COX5A: variants seen among roughly 807,000 people sequenced by gnomAD.
The protein encoded by COX5A is cytochrome c oxidase subunit 5A, mitochondrial.
A neutral mutation model predicts 16.1 loss-of-function variants in COX5A; 6 were observed. The ratio of observed to expected loss-of-function variants is 0.37; its 90% CI spans 0.20 to 0.73. COX5A has a LOEUF of 0.73. Among genes scored for constraint, COX5A ranks in the 30% least tolerant of loss-of-function variants. The probability of loss-of-function intolerance (pLI) is 0.50; values close to 1 mark genes in which losing one functional copy is unlikely to be tolerated. For missense variants in COX5A, 159 were observed against 194.9 expected (o/e 0.82, Z 1.10); for synonymous variants, 73 against 73.8 (o/e 0.99, Z 0.06).
intron 1 of COX5A, 61 bp from the exon 2 acceptor site, chr15:74,929,293 A>T (rs2065356432): frequency 1.7e-6 from 2 of 1,188,900 alleles, no homozygotes; most frequent in African/African-American, 3.0e-5. Flanking sequence ...TATTTTGTTC[A>T]ATGCATTAAA....
Position 74,920,340 on chromosome 15 carries a change from T to C in COX5A, c.*112A>G, listed in dbSNP as rs757088453. On this transcript the variant is annotated 3_prime_UTR_variant, in exon 5 of 5. Transcript: ENST00000322347. ...TACCATTACATGGCTTGGTACTCAA[T>C]AAAGGAAAACTTGTTCAAATAAGGT... The C allele has an allele frequency of 5.8e-6, 4 of 685,566 alleles. No individual in the cohort carries two copies. In the South Asian group the frequency reaches 6.5e-5, roughly 11 times the overall value. 42.5% of individuals were successfully genotyped at this position (685,566 alleles called of 1,614,324 possible). A position where few individuals can be genotyped will look rare whatever the true frequency, so the allele number is the denominator to read the frequency against.
intron 1 of COX5A, among the ~76,000 whole-genome samples, chr15:74,933,419 A>AATATC (rs1555407172): frequency 1.4e-5 from 2 of 143,392 alleles, no homozygotes; most frequent in African/African-American, 2.5e-5. Flanking sequence ...AAAAAAAAAA[A>AATATC]TATCTATCTA....
intron 4 of COX5A, among the ~76,000 whole-genome samples, chr15:74,923,397 G>A (rs1410609436): frequency 2.7e-5 from 4 of 148,756 alleles, no homozygotes; most frequent in African/African-American, 7.4e-5. Context: ...CTGGGCAACA[G>A]AATAAGACTC....
intron 4 of COX5A, among the ~76,000 whole-genome samples, chr15:74,921,629 C>T (rs1045714143): frequency 2.0e-5 from 3 of 151,966 alleles, no homozygotes; most frequent in African/African-American, 4.8e-5. Flanking sequence ...ACTAGGGAGG[C>T]TGAGGCATGA....
At chr15:74,920,993 A>G (rs1469203491) in intron 4 of COX5A, among the ~76,000 whole-genome samples, 2 of 152,158 alleles carry the variant, frequency 1.3e-5, no homozygotes, top group Non-Finnish European at 2.9e-5. Flanking sequence ...AAAAAAAGAA[A>G]AAAAGAAAAA....
intron 3 of COX5A, among the ~76,000 whole-genome samples, chr15:74,924,172 T>C (rs2065333409): frequency 6.6e-6 from 1 of 150,488 alleles, no homozygotes. Context: ...CAGAACAAGA[T>C]TCTATCTCAA....
Position 74,937,881 on chromosome 15 carries a change from C to T in COX5A, c.100+34G>A, listed in dbSNP as rs2065399130. 4.2e-6 allele frequency: 5 copies of T among 1,197,548 alleles called. No individual in the cohort carries two copies. The South Asian group carries it at 1.3e-4, about 30-fold the overall frequency. The allele number at this position is 1,197,548 out of a possible 1,614,324, so 74.2% of individuals were successfully genotyped here. A position where few individuals can be genotyped will look rare whatever the true frequency, so the allele number is the denominator to read the frequency against. On this transcript the variant is annotated intron_variant, in intron 1 of 4. Transcript: ENST00000322347. Reference sequence around the variant, plus strand: ...GGGGACCCAGGTCACCGCAAGGACACGAGGGCGCGGGCAGTGGCAAGCAGG... The same window carrying T: ...GGGGACCCAGGTCACCGCAAGGACATGAGGGCGCGGGCAGTGGCAAGCAGG...
chr15:74,928,400 T>G (rs79105033), intron 2 of COX5A, among the ~76,000 whole-genome samples: 4 of 152,050 alleles, frequency 2.6e-5, no homozygotes, highest in African/African-American at 9.7e-5. Flanking sequence ...TTTTTTTTTT[T>G]CTGAGACAGA....
intron 1 of COX5A, among the ~76,000 whole-genome samples, chr15:74,930,786 G>A (rs12904326): frequency 0.35 from 52,393 of 148,988 alleles, 11,980 homozygotes; most frequent in Non-Finnish European, 0.52. Flanking sequence ...GGGAGGCCGA[G>A]ATGGGCAGAT....
chr15:74,930,062 G>C (rs1411125657), intron 1 of COX5A, among the ~76,000 whole-genome samples: 2 of 150,684 alleles, frequency 1.3e-5, no homozygotes, highest in Non-Finnish European at 2.9e-5. Flanking sequence ...CTGGGCGACA[G>C]AGCAAGACTC....
chr15:74,934,846 G>A (rs1025067400), intron 1 of COX5A, among the ~76,000 whole-genome samples: 3 of 151,988 alleles, frequency 2.0e-5, no homozygotes, highest in African/African-American at 7.3e-5. Flanking sequence ...GAGCTTTTAC[G>A]TAACCTGAAA....
Position 74,920,005 on chromosome 15 carries a change from G to T in COX5A, c.*447C>A. The T allele has an allele frequency of 1.3e-5, 3 of 231,876 alleles. No individual in the cohort carries two copies. The highest frequency in any genetic ancestry group is 1.5e-3 in the Middle Eastern group (1 of 686). The allele number at this position is 231,876 out of a possible 1,614,324, so 14.4% of individuals were successfully genotyped here. The stretch of plus-strand genomic sequence containing the variant: ...TTAAACATCATTAAAACCTGTTTTG[G>T]AAAGGTACACAATTTGATCTATCCC... On this transcript the variant is annotated 3_prime_UTR_variant, in exon 5 of 5. Coordinates refer to ENST00000322347, the MANE Select transcript of COX5A (RefSeq NM_004255.4).
intron 4 of COX5A, among the ~76,000 whole-genome samples, chr15:74,922,600 C>T (rs2065326108): frequency 6.6e-6 from 1 of 152,014 alleles, no homozygotes; most frequent in African/African-American, 2.4e-5. Context: ...AGCAATCCTT[C>T]CACCTTAGCC....
At chr15:74,921,281 GCCTGTAGT>G (rs2065318659) in intron 4 of COX5A, among the ~76,000 whole-genome samples, 1 of 151,094 alleles carries the variant, frequency 6.6e-6, no homozygotes, top group African/African-American at 2.4e-5. Flanking sequence ...GGTGGCGGGT[GCCTGTAGT>G]CCCAGCTACT....
At chr15:74,927,028 C>T (rs888188377) in intron 2 of COX5A, 141 bp from the exon 3 acceptor site, 2 of 797,190 alleles carry the variant, frequency 2.5e-6, no homozygotes, top group South Asian at 2.1e-5. Flanking sequence ...TGAGAGAAAC[C>T]TACCTTTAAC....
At chr15:74,925,012 T>C (rs1720655410) in intron 3 of COX5A, among the ~76,000 whole-genome samples, 1 of 152,072 alleles carries the variant, frequency 6.6e-6, no homozygotes. Context: ...TAGGAACGAA[T>C]AAGAAGTCAA....
At chr15:74,927,626 G>A (rs1394241629) in intron 2 of COX5A, among the ~76,000 whole-genome samples, 2 of 152,018 alleles carry the variant, frequency 1.3e-5, no homozygotes, top group East Asian at 3.9e-4. Context: ...TACAAAATTG[G>A]CCGGGCGTGG....
chr15:74,920,690 T>C (rs1270696638), intron 4 of COX5A, among the ~76,000 whole-genome samples: 2 of 152,166 alleles, frequency 1.3e-5, no homozygotes, highest in African/African-American at 4.8e-5. Context: ...AAAGAAATTT[T>C]TTTTGGGCCG....
At position 74,926,281 on chromosome 15, in the gene COX5A, C is replaced by T. The variant is rs183164659; in HGVS notation, c.339+485G>A. On this transcript the variant is annotated intron_variant, in intron 3 of 4. Transcript: ENST00000322347. ...GGTTTCGATCTCCTGACCTCGTGATCCGCCCGCCTCGGCCTCCCAAAGAGC... is the reference window on the plus strand; with the variant it reads ...GGTTTCGATCTCCTGACCTCGTGATTCGCCCGCCTCGGCCTCCCAAAGAGC... Among the ~76,000 whole-genome samples the T allele has an allele frequency of 3.7e-3, 555 of 150,998 alleles. 5 individuals are homozygous for T. The highest frequency in any genetic ancestry group is 0.013 in the African/African-American group (534 of 41,230).
Sources: allele counts gnomAD v4.1 joint callset (sites outside exome capture counted in the v4.1 genomes callset), GRCh38; gene constraint gnomAD v4.1.1; transcripts MANE v1.5; gene names NCBI Gene and HGNC (gene_info 2026-07-23, HGNC 2026-07-21).